Variants in GRB14 observed in about 807,000 individuals in gnomAD.
GRB14 encodes the protein growth factor receptor bound protein 14, also known as growth factor receptor-bound protein 14.
In GRB14, 38 loss-of-function variants were observed where a neutral mutation model predicts 69.1. That is an observed-to-expected ratio of 0.55 (90% confidence interval 0.42 to 0.72). The LOEUF is 0.72. Ranked by LOEUF, GRB14 falls within the 30% of genes least tolerant of loss-of-function variation. The pLI, the probability that GRB14 is intolerant of heterozygous loss-of-function variation, is 0.00. For synonymous variants in GRB14, 247 were observed against 241.3 expected (o/e 1.02, Z -0.22); for missense variants, 666 against 666.1 (o/e 1.00, Z 0.00).
At chr2:164,550,182 T>C (rs925965035) in intron 2 of GRB14, among the ~76,000 whole-genome samples, 2 of 152,178 alleles carry the variant, frequency 1.3e-5, no homozygotes, top group African/African-American at 4.8e-5. Context: ...ATATAGAATG[T>C]TACACTTCCT....
intron 2 of GRB14, among the ~76,000 whole-genome samples, chr2:164,549,324 T>C (rs1688466572): frequency 6.6e-6 from 1 of 152,226 alleles, no homozygotes; most frequent in South Asian, 2.1e-4. Flanking sequence ...TATTAAAATA[T>C]TTTATTAAAA....
intron 2 of GRB14, among the ~76,000 whole-genome samples, chr2:164,617,436 A>G (rs906873784): frequency 2.7e-5 from 4 of 150,802 alleles, no homozygotes; most frequent in African/African-American, 9.8e-5. Flanking sequence ...TTTTTTGCCC[A>G]TTTTCCAGTT....
intron 8 of GRB14, among the ~76,000 whole-genome samples, chr2:164,505,889 T>C (rs1182323858): frequency 7.2e-5 from 11 of 152,196 alleles, no homozygotes; most frequent in Admixed American, 5.9e-4. Context: ...TGATGTCTCC[T>C]GGTAAAAACC....
chr2:164,556,775 C>A (rs1688687409), intron 2 of GRB14, among the ~76,000 whole-genome samples: 1 of 152,176 alleles, frequency 6.6e-6, no homozygotes, highest in African/African-American at 2.4e-5. Context: ...CTACGTGTTG[C>A]CCTTCACCAT....
chr2:164,509,559 C>G (rs1687283770), intron 6 of GRB14, among the ~76,000 whole-genome samples: 1 of 152,108 alleles, frequency 6.6e-6, no homozygotes, highest in Non-Finnish European at 1.5e-5. Flanking sequence ...AGGTTAATAA[C>G]TTGGAGAAGT....
chr2:164,510,082 A>G (rs582447), intron 6 of GRB14, among the ~76,000 whole-genome samples: 5 of 152,070 alleles, frequency 3.3e-5, no homozygotes, highest in Admixed American at 2.0e-4. Flanking sequence ...GAGAAAGGTA[A>G]GCTTATTGCC....
At chr2:164,522,302 C>G (rs1004076678) in intron 5 of GRB14, among the ~76,000 whole-genome samples, 185 bp from the exon 6 acceptor site, 11 of 151,966 alleles carry the variant, frequency 7.2e-5, no homozygotes, top group African/African-American at 2.7e-4. Context: ...TGGTATATCT[C>G]TCTCCTCTGT....
chr2:164,536,009 A>G (rs1688071432), intron 3 of GRB14, among the ~76,000 whole-genome samples: 1 of 152,250 alleles, frequency 6.6e-6, no homozygotes, highest in Admixed American at 6.5e-5. Context: ...AAGAGCTTAC[A>G]GACAGCTTCC....
rs1009862197 is a variant in GRB14 at position 164,550,726 on chromosome 2, TA to T, written c.325-2911del. ...TTCTATTGACCTAAACATCCAACAA[TA>T]AAAAAAAAAATGCAAACTACAGTAT... On this transcript the variant is annotated intron_variant, in intron 2 of 13. Transcript: ENST00000263915. Among the ~76,000 whole-genome samples, 185 of 143,462 alleles carry T rather than the reference TA, an allele frequency of 1.3e-3. 1 individual carries two copies. Among genetic ancestry groups the T allele is most frequent in the Middle Eastern group, 3.6e-3 (1 of 276 alleles). The allele number at this position is 143,462 out of a possible 152,430, so 94.1% of individuals were successfully genotyped here. A position where few individuals can be genotyped will look rare whatever the true frequency, so the allele number is the denominator to read the frequency against.
chr2:164,566,186 A>G (rs1390826919), intron 2 of GRB14, among the ~76,000 whole-genome samples: 1 of 152,210 alleles, frequency 6.6e-6, no homozygotes, highest in Admixed American at 6.5e-5. Context: ...AAATTATGGC[A>G]TATATGGAAA....
In GRB14 at chr2:164,570,878, C is replaced by T. The variant is rs145968717; in HGVS notation, c.325-23062G>A. ...TTAAAAACACTTAATAGATGACTAG[C>T]TGTTTACGTGTGTGTGATAGGTCAT... On this transcript the variant is annotated intron_variant, in intron 2 of 13. Transcript: ENST00000263915. Among the ~76,000 whole-genome samples the T allele has an allele frequency of 4.7e-3, 712 of 152,314 alleles. 7 individuals are homozygous for T. The highest frequency in any genetic ancestry group is 0.016 in the African/African-American group (666 of 41,572).
At chr2:164,586,871 T>C (rs1039466755) in intron 2 of GRB14, among the ~76,000 whole-genome samples, 4 of 152,156 alleles carry the variant, frequency 2.6e-5, no homozygotes, top group African/African-American at 9.7e-5. Context: ...TCAAAGATGT[T>C]AGAGGTTAAC....
intron 2 of GRB14, among the ~76,000 whole-genome samples, chr2:164,581,655 A>G (rs1238684231): frequency 6.6e-6 from 1 of 151,962 alleles, no homozygotes; most frequent in Non-Finnish European, 1.5e-5. Context: ...GTCCTCCAAA[A>G]CTCTGAGATA....
chr2:164,612,629 CT>C (rs1445227065), intron 2 of GRB14, among the ~76,000 whole-genome samples: 1 of 152,194 alleles, frequency 6.6e-6, no homozygotes, highest in African/African-American at 2.4e-5. Context: ...GAGTTTATTA[CT>C]ATTTGACATA....
At chr2:164,496,630 AT>A (rs767548579) in intron 12 of GRB14, among the ~76,000 whole-genome samples, 8 of 152,180 alleles carry the variant, frequency 5.3e-5, no homozygotes, top group Non-Finnish European at 1.2e-4. Flanking sequence ...ACATAATGTC[AT>A]AATATAAACC....
intron 2 of GRB14, among the ~76,000 whole-genome samples, chr2:164,601,882 TTTAA>T (rs1253909721): frequency 6.6e-6 from 1 of 151,934 alleles, no homozygotes; most frequent in African/African-American, 2.4e-5. Context: ...TTAAATTTTG[TTTAA>T]TTATTATAAT....
intron 2 of GRB14, among the ~76,000 whole-genome samples, chr2:164,564,292 C>T (rs773506875): frequency 1.2e-4 from 18 of 152,178 alleles, no homozygotes; most frequent in Non-Finnish European, 1.9e-4. Flanking sequence ...TCAAGGGAAG[C>T]TGGGCAGGCT....
At chr2:164,563,581 T>C (rs1036494341) in intron 2 of GRB14, among the ~76,000 whole-genome samples, 4 of 152,206 alleles carry the variant, frequency 2.6e-5, no homozygotes, top group Admixed American at 6.5e-5. Context: ...AATTTACATT[T>C]ATCTTTCCAT....
chr2:164,498,321 G>A (rs1474863948), intron 9 of GRB14, among the ~76,000 whole-genome samples: 1 of 152,056 alleles, frequency 6.6e-6, no homozygotes, highest in Non-Finnish European at 1.5e-5. Context: ...ACTACTTCTT[G>A]TATTTATATT....
Sources: allele counts gnomAD v4.1 joint callset (sites outside exome capture counted in the v4.1 genomes callset), GRCh38; gene constraint gnomAD v4.1.1; transcripts MANE v1.5; gene names NCBI Gene and HGNC (gene_info 2026-07-23, HGNC 2026-07-21).